Variants in PLXNA2 observed in about 807,000 individuals in gnomAD.
PLXNA2 encodes plexin A2.
In PLXNA2, 91 loss-of-function variants were observed where a neutral mutation model predicts 193.5. That is an observed-to-expected ratio of 0.47 (90% CI 0.40 to 0.56). PLXNA2 has a LOEUF of 0.56. Ranked by LOEUF, PLXNA2 falls within the 20% of genes least tolerant of loss-of-function variation. PLXNA2 has a pLI of 0.00. For missense variants in PLXNA2, 1,995 were observed against 2,503.2 expected (o/e 0.80, Z 4.33); for synonymous variants, 997 against 1,027.3 (o/e 0.97, Z 0.56).
chr1:208,117,814 C>T (rs761056940), intron 4 of PLXNA2, among the ~76,000 whole-genome samples: 4 of 152,196 alleles, frequency 2.6e-5, no homozygotes, highest in East Asian at 1.9e-4. Flanking sequence ...ACAGAAGTAA[C>T]TGGAGACCAT....
chr1:208,183,505 G>A (rs1445285361), intron 3 of PLXNA2, among the ~76,000 whole-genome samples: 1 of 152,022 alleles, frequency 6.6e-6, no homozygotes, highest in Non-Finnish European at 1.5e-5. Flanking sequence ...GCAGAGATGG[G>A]AGGGAAACCA....
At chr1:208,124,450 G>A (rs113594648) in intron 4 of PLXNA2, among the ~76,000 whole-genome samples, 7,563 of 151,720 alleles carry the variant, frequency 0.05, 254 homozygotes, top group Non-Finnish European at 0.073. Context: ...AAGCCGAAGC[G>A]GGCAGATCAC....
At chr1:208,186,556 G>A (rs1670004254) in intron 3 of PLXNA2, among the ~76,000 whole-genome samples, 1 of 152,182 alleles carries the variant, frequency 6.6e-6, no homozygotes. Context: ...GCTGGCAGCT[G>A]TTTAATGACA....
At chr1:208,153,168 C>T (rs1231445140) in intron 3 of PLXNA2, among the ~76,000 whole-genome samples, 8 of 152,316 alleles carry the variant, frequency 5.3e-5, no homozygotes, top group Non-Finnish European at 1.2e-4. Context: ...TAGAACTTTA[C>T]TCATGGCTCA....
rs1664971271 is a variant in PLXNA2 at position 208,044,115 on chromosome 1, C to A, written c.3874+393G>T. Among the ~76,000 whole-genome samples the A allele has an allele frequency of 6.6e-6, 1 of 152,204 alleles. No individual in the cohort carries two copies. The highest frequency in any genetic ancestry group is 1.5e-5 in the Non-Finnish European group (1 of 68,052). On this transcript the variant is annotated intron_variant, in intron 20 of 31. Coordinates refer to ENST00000367033, the MANE Select transcript of PLXNA2 (RefSeq NM_025179.4). This position sits in a 1 kb window ranked among gnomAD's most constrained non-coding sequence, Gnocchi z 4.9. ...CTTGTCTGCCTTTGCTGCCGCTGCT[C>A]CCACGTGCTGCGAAGACAGTGTGCA... is the stretch of plus-strand genomic sequence containing the variant.
intron 3 of PLXNA2, among the ~76,000 whole-genome samples, chr1:208,208,792 CATG>C (rs1670828240): frequency 6.6e-6 from 1 of 152,154 alleles, no homozygotes; most frequent in Admixed American, 6.5e-5. Flanking sequence ...CCACAGGGTA[CATG>C]ATGTGACAGG....
chr1:208,086,948 ACT>A (rs59683728), intron 9 of PLXNA2, among the ~76,000 whole-genome samples: 93 of 134,664 alleles, frequency 6.9e-4, no homozygotes, highest in Middle Eastern at 3.8e-3. Flanking sequence ...TCTCTCTCGC[ACT>A]CTCTCTCTCT....
intron 3 of PLXNA2, among the ~76,000 whole-genome samples, chr1:208,174,197 A>T (rs1026006949): frequency 6.6e-6 from 1 of 152,162 alleles, no homozygotes; most frequent in African/African-American, 2.4e-5. Context: ...CCACTGGCAG[A>T]CCTCAGCTCC....
At chr1:208,211,663 A>G (rs1468826660) in intron 2 of PLXNA2, among the ~76,000 whole-genome samples, 3 of 150,268 alleles carry the variant, frequency 2.0e-5, no homozygotes, top group Admixed American at 1.3e-4. Context: ...ACTGCACTCC[A>G]GCCTGGGCGG....
At chr1:208,039,847 G>T in intron 23 of PLXNA2, 80 bp from the exon 24 acceptor site, 2 of 1,605,368 alleles carry the variant, frequency 1.2e-6, no homozygotes, top group East Asian at 4.5e-5. Context: ...CTCGGAGCGA[G>T]GCCAGTGGAA....
At chr1:208,078,703 T>C (rs1023998374) in intron 12 of PLXNA2, among the ~76,000 whole-genome samples, 3 of 152,232 alleles carry the variant, frequency 2.0e-5, no homozygotes, top group African/African-American at 7.2e-5. Flanking sequence ...GAATTTGCTA[T>C]TTTGGAAACA....
At chr1:208,177,732 G>T (rs4406634) in intron 3 of PLXNA2, among the ~76,000 whole-genome samples, 4 of 152,088 alleles carry the variant, frequency 2.6e-5, no homozygotes, top group Non-Finnish European at 5.9e-5. Flanking sequence ...GTTCTCAACC[G>T]TGGTCCCCAG....
At chr1:208,052,734 G>A (rs1665304931) in intron 14 of PLXNA2, among the ~76,000 whole-genome samples, 1 of 152,128 alleles carries the variant, frequency 6.6e-6, no homozygotes, top group Non-Finnish European at 1.5e-5. Flanking sequence ...TGAAGGGAAA[G>A]CAGAGGTGAC....
chr1:208,042,575 G>A (rs1664907805), intron 21 of PLXNA2, among the ~76,000 whole-genome samples: 1 of 152,208 alleles, frequency 6.6e-6, no homozygotes, highest in Non-Finnish European at 1.5e-5. Context: ...CCTTGCACTG[G>A]GCCGGGGAGG....
chr1:208,086,642 A>G (rs546376418), intron 9 of PLXNA2, among the ~76,000 whole-genome samples: 7 of 152,070 alleles, frequency 4.6e-5, no homozygotes, highest in East Asian at 1.9e-4. Context: ...CATCCACGAG[A>G]GAGAATCACA....
At chr1:208,223,192 A>AACTTTAGAT (rs3072114) in intron 1 of PLXNA2, among the ~76,000 whole-genome samples, 124,339 of 151,524 alleles carry the variant, frequency 0.82, 51,101 homozygotes, top group East Asian at 0.87. Flanking sequence ...TTAAAGCAGG[A>AACTTTAGAT]GAATGCTGAG....
intron 3 of PLXNA2, among the ~76,000 whole-genome samples, chr1:208,160,246 C>A (rs531162791): frequency 2.0e-5 from 3 of 152,268 alleles, no homozygotes; most frequent in East Asian, 3.9e-4. Context: ...AGGGTTATTG[C>A]GGGGAATTTA....
At chr1:208,114,609 A>G (rs576325527) in intron 4 of PLXNA2, among the ~76,000 whole-genome samples, 1 of 152,386 alleles carries the variant, frequency 6.6e-6, no homozygotes, top group East Asian at 1.9e-4. Context: ...GTTTTCAGCA[A>G]ACACCATGGA....
intron 3 of PLXNA2, among the ~76,000 whole-genome samples, chr1:208,208,392 C>A (rs568233908): frequency 1.4e-4 from 22 of 152,202 alleles, no homozygotes; most frequent in African/African-American, 5.1e-4. Flanking sequence ...TATGCTTGGG[C>A]AAGTCAATTT....
Sources: gnomAD v4.1 joint callset for allele counts (sites outside exome capture counted in the v4.1 genomes callset) on GRCh38, gnomAD v4.1.1 for gene constraint, Gnocchi (gnomAD v3.1) non-coding constraint, MANE v1.5 for transcripts, NCBI Gene and HGNC (gene_info 2026-07-23, HGNC 2026-07-21) for gene names.